ENG: variants seen among roughly 807,000 people sequenced by gnomAD.
ENG encodes the protein CD105 antigen.
Under a neutral mutation model 71.0 loss-of-function variants are expected in ENG, and 17 were observed. That is an observed-to-expected ratio of 0.24 (90% CI 0.16 to 0.36). ENG has a LOEUF of 0.36. Among genes scored for constraint, ENG ranks in the 10% least tolerant of loss-of-function variants. The pLI is 1.00. For missense variants in ENG, 749 were observed against 868.3 expected, an observed-to-expected ratio of 0.86 and a Z score of 1.73; for synonymous variants, 360 against 366.9, an observed-to-expected ratio of 0.98 and a Z score of 0.21.
Position 127,818,195 on chromosome 9 carries a change from G to A in ENG, c.1611C>T (p.Tyr537=), listed in dbSNP as rs570296266. ...DPRFSFLLHF[Y]TVPIPKTGTL... is the part of the protein sequence containing the mutation. ...TGCCGGTTTTGGGTATGGGTACTGT[G>A]TAGAAGTGGAGGAGGAAGCTGAAGC... Residue 537 remains tyrosine, a synonymous_variant, in exon 12 of 15, where the codon TAC becomes TAT. Coordinates refer to ENST00000373203, the MANE Select transcript of ENG (RefSeq NM_001114753.3). 3.8e-5 allele frequency: 62 copies of A among 1,614,246 alleles called. No homozygotes were observed. The highest frequency in any genetic ancestry group is 8.3e-5 in the Admixed American group (5 of 60,032).
chr9:127,823,960 C>T (rs1276577242), intron 8 of ENG, among the ~76,000 whole-genome samples: 12 of 152,036 alleles, frequency 7.9e-5, no homozygotes, highest in African/African-American at 1.9e-4. Flanking sequence ...AGATTACAGG[C>T]GTGAACCACC....
intron 1 of ENG, among the ~76,000 whole-genome samples, chr9:127,845,799 T>C (rs1302121842): frequency 6.6e-6 from 1 of 152,184 alleles, no homozygotes; most frequent in Non-Finnish European, 1.5e-5. Flanking sequence ...CTTGAGCTGC[T>C]GGGTTCAAGC....
At chr9:127,842,531 T>G (rs1831060977) in intron 2 of ENG, among the ~76,000 whole-genome samples, 1 of 152,046 alleles carries the variant, frequency 6.6e-6, no homozygotes, top group Non-Finnish European at 1.5e-5. Flanking sequence ...TTCAAGCAAT[T>G]CTCCTGCCTC....
chr9:127,822,115 G>A (rs1026620337), intron 8 of ENG, among the ~76,000 whole-genome samples: 1 of 152,014 alleles, frequency 6.6e-6, no homozygotes, highest in African/African-American at 2.4e-5. Flanking sequence ...AGCAAATCAA[G>A]GGAAGTGGTG....
chr9:127,818,444 C>T, intron 11 of ENG, 67 bp from the exon 12 acceptor site: 10 of 1,596,068 alleles, frequency 6.3e-6, no homozygotes, highest in Non-Finnish European at 8.5e-6. Context: ...CTGCTGCCTT[C>T]AAATATCGGC....
Position 127,816,247 on chromosome 9 carries a change from C to T in ENG, c.1742-194G>A. On this transcript the variant is annotated intron_variant, in intron 13 of 14. Transcript: ENST00000373203. The stretch of plus-strand genomic sequence containing the variant: ...TGGCATTGAGCCATGGTTGCTAGGA[C>T]TGTCCACCTAGAGGGCCCAGCCAGG... 5 of 731,764 alleles carry T rather than the reference C, an allele frequency of 6.8e-6. No homozygotes were observed. In the South Asian group the frequency reaches 8.5e-5, roughly 12 times the overall value. 45.3% of individuals were successfully genotyped at this position (731,764 alleles called of 1,614,324 possible).
rs529238606 is a variant in ENG at position 127,820,293 on chromosome 9, A to C, written c.1135-256T>G. On this transcript the variant is annotated intron_variant, in intron 8 of 14. Transcript: ENST00000373203. ...ACTACAACCTCCACCTCCTGGGTTCAAGCGATTCTCCTGCCTTGGCCTCCT... is the reference window on the plus strand; with the variant it reads ...ACTACAACCTCCACCTCCTGGGTTCCAGCGATTCTCCTGCCTTGGCCTCCT... Among the ~76,000 whole-genome samples the C allele has an allele frequency of 1.8e-4, 28 of 152,116 alleles. 1 individual carries two copies. The East Asian group carries it at 3.7e-3, about 20-fold the overall frequency.
intron 2 of ENG, among the ~76,000 whole-genome samples, chr9:127,842,834 C>G (rs559261263): frequency 6.6e-6 from 1 of 152,072 alleles, no homozygotes; most frequent in Non-Finnish European, 1.5e-5. Flanking sequence ...TGGTCCCCCC[C>G]ACCCATCTGG....
At position 127,815,664 on chromosome 9, in the gene ENG, G is replaced by C. The variant is rs758039347; in HGVS notation, c.*18C>G. 6.4e-7 allele frequency: 1 copy of C among 1,550,650 alleles called. No homozygotes were observed. Among genetic ancestry groups the C allele is most frequent in the Non-Finnish European group, 8.7e-7 (1 of 1,155,220 alleles). The stretch of plus-strand genomic sequence containing the variant: ...GGCTGCTCAGTCTCTCCTGCTGGGC[G>C]AGCGCGGGGGGCCGGGGCTATGCCA... On this transcript the variant is annotated 3_prime_UTR_variant, in exon 15 of 15. Coordinates refer to ENST00000373203, the MANE Select transcript of ENG (RefSeq NM_001114753.3).
Position 127,837,160 on chromosome 9 carries a change from G to A in ENG, c.219+5934C>T, listed in dbSNP as rs559983781. Among the ~76,000 whole-genome samples the A allele has an allele frequency of 1.8e-3, 272 of 152,234 alleles. 1 individual carries two copies. The highest frequency in any genetic ancestry group is 3.0e-3 in the Non-Finnish European group (205 of 68,006). ...CAAGGAGAGCCATCCACAGTTTAGG[G>A]GCTGGGAAGCATGGGTCCAGTTAGA... On this transcript the variant is annotated intron_variant, in intron 2 of 14. Coordinates refer to ENST00000373203, the MANE Select transcript of ENG (RefSeq NM_001114753.3).
At chr9:127,843,938 A>G (rs956758486) in intron 1 of ENG, among the ~76,000 whole-genome samples, 1 of 144,968 alleles carries the variant, frequency 6.9e-6, no homozygotes, top group African/African-American at 2.5e-5. Context: ...CACCCAGCTA[A>G]TTTTGTATTT....
intron 12 of ENG, 123 bp from the exon 13 acceptor site, chr9:127,817,326 G>A (rs879943959): frequency 5.5e-5 from 51 of 929,572 alleles, no homozygotes; most frequent in Non-Finnish European, 8.1e-5. Flanking sequence ...CCACCGCTTC[G>A]TAGCTGGATG....
At chr9:127,832,327 G>A (rs1274193356) in intron 2 of ENG, among the ~76,000 whole-genome samples, 7 of 151,938 alleles carry the variant, frequency 4.6e-5, no homozygotes, top group South Asian at 4.2e-4. Flanking sequence ...TGCCCGCCTC[G>A]GCCTCCCAAA....
Position 127,824,419 on chromosome 9 carries a change from G to C in ENG, c.1019C>G (p.Pro340Arg). The C allele has an allele frequency of 6.2e-7, 1 of 1,614,096 alleles. No homozygotes were observed. Among genetic ancestry groups the C allele is most frequent in the Non-Finnish European group, 8.5e-7 (1 of 1,180,024 alleles). Residue 340 changes from proline to arginine, a missense_variant, in exon 8 of 15, where the codon CCG becomes CGG. Transcript: ENST00000373203. The part of the protein sequence containing the change: ...CGGRLQTSPA[P>R]IQTTPPKDTC... ...GTCCTTGGGAGGAGTGGTCTGGATC[G>C]GTGCGGGTGAGGTCTGCAGCCTACC...
At chr9:127,817,408 A>C (rs1830352076) in intron 12 of ENG, 1 of 636,592 alleles carries the variant, frequency 1.6e-6, no homozygotes, top group Non-Finnish European at 2.8e-6. Context: ...TGCTGCTGAA[A>C]TGTTTCCTGT....
intron 1 of ENG, among the ~76,000 whole-genome samples, chr9:127,852,875 C>T (rs1041074157): frequency 1.3e-5 from 2 of 152,140 alleles, no homozygotes; most frequent in Non-Finnish European, 2.9e-5. Flanking sequence ...CCTTTAAAAC[C>T]AGGCCCTAAA....
chr9:127,832,371 G>T (rs189489417), intron 2 of ENG, among the ~76,000 whole-genome samples: 4 of 152,090 alleles, frequency 2.6e-5, no homozygotes, highest in African/African-American at 9.7e-5. Context: ...CACTGCACCC[G>T]GCCACTATTC....
intron 2 of ENG, among the ~76,000 whole-genome samples, chr9:127,842,559 G>A (rs2131917317): frequency 6.6e-6 from 1 of 152,068 alleles, no homozygotes. Context: ...CAAGTAGCTG[G>A]GATTACAGGC....
rs1026244060 is a variant in ENG, at chr9:127,836,127, G to A, written c.220-6300C>T. Among the ~76,000 whole-genome samples the A allele has an allele frequency of 3.9e-5, 6 of 152,176 alleles. No homozygotes were observed. Among genetic ancestry groups the A allele is most frequent in the African/African-American group, 9.7e-5 (4 of 41,438 alleles). On this transcript the variant is annotated intron_variant, in intron 2 of 14. Transcript: ENST00000373203. The surrounding 1 kb of genome is among the most constrained non-coding windows in gnomAD (Gnocchi z 4.0). ...GACTCACCGCCACGGCCACTCACACGCACACCGACTTCCCCCTTCTCTCCC... is the reference window on the plus strand; with the variant it reads ...GACTCACCGCCACGGCCACTCACACACACACCGACTTCCCCCTTCTCTCCC...
Sources: allele counts gnomAD v4.1 joint callset (sites outside exome capture counted in the v4.1 genomes callset), GRCh38; gene constraint gnomAD v4.1.1; non-coding constraint Gnocchi (gnomAD v3.1); transcripts MANE v1.5; gene names NCBI Gene and HGNC (gene_info 2026-07-23, HGNC 2026-07-21).